The following VAV3 variants were observed in gnomAD, a reference collection of about 807,000 sequenced individuals.
The protein encoded by VAV3 is vav guanine nucleotide exchange factor 3.
In VAV3, 94 loss-of-function variants were observed where a neutral mutation model predicts 131.2. The observed-to-expected ratio is 0.72, with a 90% CI of 0.61 to 0.85. VAV3 has a LOEUF of 0.85. Among genes scored for constraint, VAV3 ranks in the 40% least tolerant of loss-of-function variants. The pLI, the probability that VAV3 is intolerant of heterozygous loss-of-function variation, is 0.00. For missense variants in VAV3, 939 were observed against 1,002.7 expected (o/e 0.94, Z 0.86); for synonymous variants, 349 against 342.0 (o/e 1.02, Z -0.22).
chr1:107,598,854 C>T (rs141639917), intron 24 of VAV3, among the ~76,000 whole-genome samples: 143 of 151,102 alleles, frequency 9.5e-4, no homozygotes, highest in African/African-American at 3.4e-3. Context: ...ACAAACGATA[C>T]CGAAGTTTCT....
chr1:107,891,681 A>C (rs1671316383), intron 1 of VAV3, among the ~76,000 whole-genome samples: 1 of 152,038 alleles, frequency 6.6e-6, no homozygotes, highest in African/African-American at 2.4e-5. Context: ...TCTACTAAAA[A>C]TACAAAAATT....
intron 1 of VAV3, among the ~76,000 whole-genome samples, chr1:107,894,954 G>T (rs7534868): frequency 0.22 from 33,943 of 152,040 alleles, 3,905 homozygotes; most frequent in African/African-American, 0.27. Context: ...AACACAAAAG[G>T]TGCTATAAAT....
At chr1:107,921,893 C>T (rs1672917145) in intron 1 of VAV3, among the ~76,000 whole-genome samples, 1 of 152,080 alleles carries the variant, frequency 6.6e-6, no homozygotes, top group South Asian at 2.1e-4. Context: ...TAGTGCTATT[C>T]CTTGCTATTA....
Position 107,602,404 on chromosome 1 carries a change from C to CT in VAV3, c.2212dup (p.Ser738LysfsTer41). ...GAAATAATCAATGCTTACCATTAAA[C>CT]TTTTAAATTTTCTATTTTCTGCAAT... On this transcript the variant is annotated frameshift_variant, in exon 24 of 27. Coordinates refer to ENST00000370056, the MANE Select transcript of VAV3 (RefSeq NM_006113.5). LOFTEE classifies it high-confidence loss of function. 1 of 1,562,668 alleles carries CT rather than the reference C, an allele frequency of 6.4e-7. No homozygotes were observed. Among genetic ancestry groups the CT allele is most frequent in the Non-Finnish European group, 8.6e-7 (1 of 1,158,852 alleles).
intron 25 of VAV3, among the ~76,000 whole-genome samples, chr1:107,580,970 A>C (rs1650001376): frequency 6.6e-6 from 1 of 152,190 alleles, no homozygotes; most frequent in African/African-American, 2.4e-5. Context: ...CTGGAATAGA[A>C]TTAAAAAGGG....
At chr1:107,834,004 T>C (rs1668369909) in intron 2 of VAV3, among the ~76,000 whole-genome samples, 1 of 152,212 alleles carries the variant, frequency 6.6e-6, no homozygotes, top group Non-Finnish European at 1.5e-5. Context: ...ATACTTTTAG[T>C]TCTTTTTCAA....
chr1:107,704,305 C>T (rs550001097), intron 17 of VAV3, among the ~76,000 whole-genome samples: 1 of 152,146 alleles, frequency 6.6e-6, no homozygotes, highest in South Asian at 2.1e-4. Context: ...CATCCAACTC[C>T]CTCTTGAAGA....
At chr1:107,957,992 G>C (rs1361891682) in intron 1 of VAV3, among the ~76,000 whole-genome samples, 3 of 152,030 alleles carry the variant, frequency 2.0e-5, no homozygotes, top group Admixed American at 1.3e-4. Flanking sequence ...CTGCTTTCCA[G>C]AGAACCTAGG....
At chr1:107,683,082 C>T (rs902500641) in intron 19 of VAV3, among the ~76,000 whole-genome samples, 2 of 152,160 alleles carry the variant, frequency 1.3e-5, no homozygotes, top group African/African-American at 4.8e-5. Flanking sequence ...GAAATTTTCT[C>T]TGATGGAGGG....
chr1:107,870,400 T>C (rs1386395526), intron 2 of VAV3, among the ~76,000 whole-genome samples: 3 of 152,210 alleles, frequency 2.0e-5, no homozygotes, highest in Non-Finnish European at 4.4e-5. Context: ...ATATTGAACA[T>C]TTTTTCATAT....
At chr1:107,765,809 A>G (rs1664702728) in intron 8 of VAV3, among the ~76,000 whole-genome samples, 1 of 152,228 alleles carries the variant, frequency 6.6e-6, no homozygotes, top group Non-Finnish European at 1.5e-5. Context: ...TGGAAAAAAG[A>G]CACTACTAAT....
intron 19 of VAV3, among the ~76,000 whole-genome samples, chr1:107,681,903 G>A (rs907337201): frequency 2.6e-4 from 39 of 152,034 alleles, no homozygotes; most frequent in East Asian, 1.7e-3. Context: ...CTCGTGATCC[G>A]CCGGCCTTGA....
intron 2 of VAV3, among the ~76,000 whole-genome samples, chr1:107,867,984 G>A (rs1219285874): frequency 6.6e-6 from 1 of 152,156 alleles, no homozygotes; most frequent in African/African-American, 2.4e-5. Context: ...CTATAGGGAT[G>A]AAGGAAACTT....
At chr1:107,949,830 T>C (rs1195253828) in intron 1 of VAV3, among the ~76,000 whole-genome samples, 1 of 152,254 alleles carries the variant, frequency 6.6e-6, no homozygotes, top group Non-Finnish European at 1.5e-5. Context: ...AGCCAACAAA[T>C]GCTTTCTCAT....
intron 19 of VAV3, among the ~76,000 whole-genome samples, chr1:107,660,809 G>A (rs1356121319): frequency 6.6e-6 from 1 of 152,042 alleles, no homozygotes; most frequent in Admixed American, 6.6e-5. Context: ...CAGGGAAAAG[G>A]AAAATTATAC....
At chr1:107,824,839 A>T (rs1667944896) in intron 2 of VAV3, among the ~76,000 whole-genome samples, 1 of 152,170 alleles carries the variant, frequency 6.6e-6, no homozygotes, top group Admixed American at 6.5e-5. Flanking sequence ...AGAATTAGAA[A>T]TAATATAAAA....
chr1:107,678,537 T>C (rs563761160), intron 19 of VAV3, among the ~76,000 whole-genome samples: 7 of 152,274 alleles, frequency 4.6e-5, no homozygotes, highest in African/African-American at 9.6e-5. Context: ...TTTCTCAATG[T>C]TTTCTATTTG....
rs1665989826 is a variant in VAV3, at chr1:107,786,082, G to GGCAAA, written c.322-6595_322-6591dup. 3.3e-5 allele frequency among the ~76,000 whole-genome samples: 5 copies of GGCAAA among 152,016 alleles called. No individual in the cohort carries two copies. The South Asian group carries it at 1.0e-3, about 32-fold the overall frequency. On this transcript the variant is annotated intron_variant, in intron 2 of 26. Transcript: ENST00000370056. ...AAATGTCCTTAGCACCTCCTCTATG[G>GGCAAA]GCAAAGCAAAGCAGTACAGCCAGAT...
chr1:107,715,396 G>T (rs1259030371), intron 15 of VAV3, among the ~76,000 whole-genome samples: 1 of 152,146 alleles, frequency 6.6e-6, no homozygotes, highest in Non-Finnish European at 1.5e-5. Flanking sequence ...CCTCATCAAG[G>T]TAGAGCAGTA....
Sources: gnomAD v4.1 joint callset for allele counts (sites outside exome capture counted in the v4.1 genomes callset) on GRCh38, gnomAD v4.1.1 for gene constraint, MANE v1.5 for transcripts, NCBI Gene and HGNC (gene_info 2026-07-23, HGNC 2026-07-21) for gene names.